Variants in HS6ST3 observed in about 807,000 individuals in gnomAD.
The protein encoded by HS6ST3 is heparan-sulfate 6-O-sulfotransferase 3.
In HS6ST3, 12 loss-of-function variants were observed where a neutral mutation model predicts 36.7. The observed-to-expected ratio is 0.33, with a 90% CI of 0.21 to 0.53. The LOEUF is 0.53. HS6ST3 is among the 20% of genes least tolerant of loss of function. The pLI is 0.95. For synonymous variants in HS6ST3, 240 were observed against 257.5 expected, an observed-to-expected ratio of 0.93 and a Z score of 0.65; for missense variants, 584 against 640.9, an observed-to-expected ratio of 0.91 and a Z score of 0.96.
At chr13:96,317,130 T>C (rs2054974002) in intron 1 of HS6ST3, among the ~76,000 whole-genome samples, 1 of 151,686 alleles carries the variant, frequency 6.6e-6, no homozygotes, top group Non-Finnish European at 1.5e-5. Context: ...CTCCTTCCTC[T>C]AGTAGTCTGC....
At chr13:96,113,469 G>A (rs1236610540) in intron 1 of HS6ST3, among the ~76,000 whole-genome samples, 1 of 152,158 alleles carries the variant, frequency 6.6e-6, no homozygotes. Context: ...ATTGGGCAAA[G>A]CTTATGTACA....
At chr13:96,242,380 A>C (rs2054565105) in intron 1 of HS6ST3, among the ~76,000 whole-genome samples, 1 of 151,974 alleles carries the variant, frequency 6.6e-6, no homozygotes, top group Non-Finnish European at 1.5e-5. Context: ...GCACTCCTGG[A>C]TAATTTTTTG....
intron 1 of HS6ST3, among the ~76,000 whole-genome samples, chr13:96,672,251 G>C (rs1257824370): frequency 1.3e-5 from 2 of 152,108 alleles, no homozygotes; most frequent in Non-Finnish European, 1.5e-5. Context: ...TTATGACTAT[G>C]TATTGTTCAC....
At chr13:96,158,650 C>A (rs1481853516) in intron 1 of HS6ST3, among the ~76,000 whole-genome samples, 4 of 24,156 alleles carry the variant, frequency 1.7e-4, no homozygotes, top group Non-Finnish European at 1.6e-4. Flanking sequence ...GAGACTCCGT[C>A]TCAAAAAAAA....
chr13:96,662,369 T>A (rs1236114914), intron 1 of HS6ST3, among the ~76,000 whole-genome samples: 1 of 152,180 alleles, frequency 6.6e-6, no homozygotes, highest in Non-Finnish European at 1.5e-5. Flanking sequence ...TCTTGAAATT[T>A]CTTCTGCTCC....
chr13:96,302,310 G>A (rs940383398), intron 1 of HS6ST3, among the ~76,000 whole-genome samples: 3 of 151,834 alleles, frequency 2.0e-5, no homozygotes, highest in African/African-American at 7.3e-5. Flanking sequence ...CATAACAATT[G>A]GAAATTAAAA....
At chr13:96,818,559 CA>C (rs1878470105) in intron 1 of HS6ST3, among the ~76,000 whole-genome samples, 1 of 152,150 alleles carries the variant, frequency 6.6e-6, no homozygotes. Context: ...AAATGAAAGA[CA>C]AAAGCCTTGG....
chr13:96,812,436 T>G (rs1439545525), intron 1 of HS6ST3, among the ~76,000 whole-genome samples: 1 of 152,124 alleles, frequency 6.6e-6, no homozygotes, highest in East Asian at 1.9e-4. Context: ...AACCCCTCCA[T>G]GCTAAGAATG....
chr13:96,587,697 A>C (rs1462298427), intron 1 of HS6ST3, among the ~76,000 whole-genome samples: 1 of 152,216 alleles, frequency 6.6e-6, no homozygotes, highest in African/African-American at 2.4e-5. Flanking sequence ...GTTTCCTGAG[A>C]GATGGCATTA....
At chr13:96,461,324 TG>T (rs1417749817) in intron 1 of HS6ST3, among the ~76,000 whole-genome samples, 3 of 152,186 alleles carry the variant, frequency 2.0e-5, no homozygotes, top group African/African-American at 4.8e-5. Context: ...AAAATTATAA[TG>T]TATTATAAGA....
At chr13:96,456,226 A>T (rs9516700) in intron 1 of HS6ST3, among the ~76,000 whole-genome samples, 95,332 of 152,062 alleles carry the variant, frequency 0.63, 32,660 homozygotes, top group South Asian at 0.79. Context: ...ATAATTACTG[A>T]TGTGTAATAC....
At chr13:96,243,413 G>A (rs375763776) in intron 1 of HS6ST3, among the ~76,000 whole-genome samples, 23 of 152,168 alleles carry the variant, frequency 1.5e-4, no homozygotes, top group African/African-American at 5.6e-4. Flanking sequence ...GCCCAGCCTA[G>A]TAAGATAGCT....
intron 1 of HS6ST3, among the ~76,000 whole-genome samples, chr13:96,464,299 C>T (rs1020938981): frequency 6.6e-5 from 10 of 152,002 alleles, no homozygotes; most frequent in African/African-American, 2.4e-4. Flanking sequence ...GCTATATAAA[C>T]TCCTAATTTT....
chr13:96,514,918 A>C (rs1441533693), intron 1 of HS6ST3, among the ~76,000 whole-genome samples: 12 of 152,230 alleles, frequency 7.9e-5, no homozygotes, highest in Non-Finnish European at 1.8e-4. Flanking sequence ...AATAAGTACT[A>C]ATAAAGATGA....
chr13:96,676,524 G>C (rs112204606), intron 1 of HS6ST3, among the ~76,000 whole-genome samples: 1 of 152,044 alleles, frequency 6.6e-6, no homozygotes, highest in African/African-American at 2.4e-5. Context: ...TGAATTATTC[G>C]AGATATGAGC....
intron 1 of HS6ST3, among the ~76,000 whole-genome samples, chr13:96,312,515 T>G (rs1244477191): frequency 6.6e-6 from 1 of 152,208 alleles, no homozygotes; most frequent in Non-Finnish European, 1.5e-5. Flanking sequence ...CTGTTATTGT[T>G]CTCTGTCATC....
chr13:96,295,221 T>C (rs2054849173), intron 1 of HS6ST3, among the ~76,000 whole-genome samples: 1 of 152,062 alleles, frequency 6.6e-6, no homozygotes, highest in Admixed American at 6.6e-5. Flanking sequence ...ACCTTACAGA[T>C]TTGCTGATAA....
chr13:96,175,318 C>T (rs1030767449), intron 1 of HS6ST3, among the ~76,000 whole-genome samples: 3 of 151,944 alleles, frequency 2.0e-5, no homozygotes, highest in Non-Finnish European at 4.4e-5. Context: ...TGATGTTGTT[C>T]GTGAGCAGTC....
At chr13:96,419,708 C>G (rs2055553389) in intron 1 of HS6ST3, among the ~76,000 whole-genome samples, 1 of 152,132 alleles carries the variant, frequency 6.6e-6, no homozygotes, top group South Asian at 2.1e-4. Flanking sequence ...CTTTCCTTTA[C>G]TCTTCTAGCT....
Sources: gnomAD v4.1 joint callset for allele counts (sites outside exome capture counted in the v4.1 genomes callset) on GRCh38, gnomAD v4.1.1 for gene constraint, MANE v1.5 for transcripts, NCBI Gene and HGNC (gene_info 2026-07-23, HGNC 2026-07-21) for gene names.